The following UNK variants were observed in gnomAD, a reference collection of about 807,000 sequenced individuals.
The protein encoded by UNK is unk zinc finger.
In UNK, 32 loss-of-function variants were observed where a neutral mutation model predicts 97.6. That is an observed-to-expected ratio of 0.33 (90% confidence interval 0.25 to 0.44). UNK has a LOEUF of 0.44. Among genes scored for constraint, UNK ranks in the 20% least tolerant of loss-of-function variants. The pLI is 1.00. For synonymous variants in UNK, 441 were observed against 461.2 expected, an observed-to-expected ratio of 0.96 and a Z score of 0.56; for missense variants, 771 against 1,098.4, an observed-to-expected ratio of 0.70 and a Z score of 4.21.
At chr17:75,808,065 C>T (rs956877023) in intron 1 of UNK, among the ~76,000 whole-genome samples, 1 of 152,160 alleles carries the variant, frequency 6.6e-6, no homozygotes, top group Admixed American at 6.5e-5. Context: ...GCCCAGCTTC[C>T]CTCTTTCAGG....
chr17:75,790,525 A>G (rs1462060866), intron 1 of UNK, among the ~76,000 whole-genome samples: 2 of 151,878 alleles, frequency 1.3e-5, no homozygotes, highest in African/African-American at 4.8e-5. Flanking sequence ...CTGGATACTC[A>G]GGAGGCCGAG....
In UNK at chr17:75,809,976, G is replaced by T; in HGVS notation, c.314+7G>T. On this transcript the variant is annotated splice_region_variant and intron_variant, in intron 2 of 15. Transcript: ENST00000589666. ...TCTGCCCGGAGGGCGACGAGTGAGT[G>T]ACCCAGCCTGTCCTCAGAGGAGCCC... The T allele has an allele frequency of 6.2e-7, 1 of 1,613,246 alleles. No individual in the cohort carries two copies. The highest frequency in any genetic ancestry group is 1.1e-5 in the South Asian group (1 of 91,074).
rs1268375790 is a variant in UNK, at chr17:75,824,810, T to TAA, written c.*394_*395dup. 2 of 152,360 alleles carry TAA rather than the reference T, an allele frequency of 1.3e-5. No individual in the cohort carries two copies. The highest frequency in any genetic ancestry group is 4.8e-5 in the African/African-American group (2 of 41,452). 9.4% of individuals were successfully genotyped at this position (152,360 alleles called of 1,614,324 possible). ...TCTGTCTCTTTTTTAATGTAGGAACTAACTATTTTTAACTTCTTCCTGGGG... is the reference window on the plus strand; with the variant it reads ...TCTGTCTCTTTTTTAATGTAGGAACTAAAACTATTTTTAACTTCTTCCTGGGG... On this transcript the variant is annotated 3_prime_UTR_variant, in exon 16 of 16. Transcript: ENST00000589666. The surrounding 1 kb of genome is among the most constrained non-coding windows in gnomAD (Gnocchi z 4.9).
rs117992567 is a variant in UNK at position 75,799,867 on chromosome 17, C to A, written c.105-9893C>A. On this transcript the variant is annotated intron_variant, in intron 1 of 15. Coordinates refer to ENST00000589666, the MANE Select transcript of UNK (RefSeq NM_001080419.3). ...GTTTAGCGCAGAGGTCACCTGTAAT[C>A]CCAGCACTTAGGGAGCAGAGGCCAG... 9.5e-4 allele frequency among the ~76,000 whole-genome samples: 144 copies of A among 152,222 alleles called. 5 individuals are homozygous for A. The East Asian group carries it at 0.025, about 27-fold the overall frequency.
At chr17:75,797,700 A>G (rs1305503882) in intron 1 of UNK, among the ~76,000 whole-genome samples, 2 of 152,212 alleles carry the variant, frequency 1.3e-5, no homozygotes, top group Non-Finnish European at 2.9e-5. Context: ...GGAGAGCAGC[A>G]GGAGCTGCAG....
rs2062033019 is a variant in UNK at position 75,818,081 on chromosome 17, C to T, written c.1306-22C>T. Reference sequence around the variant, plus strand: ...GACCCCCCAGCACCACATTCATCCACTCCCTGAATTTTCTCTCTCAGGCCA... The same window carrying T: ...GACCCCCCAGCACCACATTCATCCATTCCCTGAATTTTCTCTCTCAGGCCA... On this transcript the variant is annotated intron_variant, in intron 9 of 15. Coordinates refer to ENST00000589666, the MANE Select transcript of UNK (RefSeq NM_001080419.3). The surrounding 1 kb of genome is among the most constrained non-coding windows in gnomAD (Gnocchi z 5.1). The T allele has an allele frequency of 6.2e-7, 1 of 1,612,476 alleles. No homozygotes were observed. Among genetic ancestry groups the T allele is most frequent in the Non-Finnish European group, 8.5e-7 (1 of 1,179,346 alleles).
Position 75,813,711 on chromosome 17 carries a change from C to T in UNK, c.759-50C>T, listed in dbSNP as rs369403780. On this transcript the variant is annotated intron_variant, in intron 5 of 15. Coordinates refer to ENST00000589666, the MANE Select transcript of UNK (RefSeq NM_001080419.3). Reference sequence around the variant, plus strand: ...GGTCCAGGTGGCACCTGCTAGGCTCCGATCTCACCTTCTCCTTTCTCCATC... The same window carrying T: ...GGTCCAGGTGGCACCTGCTAGGCTCTGATCTCACCTTCTCCTTTCTCCATC... 11 of 1,499,634 alleles carry T rather than the reference C, an allele frequency of 7.3e-6. No homozygotes were observed. The African/African-American group carries it at 8.3e-5, about 11-fold the overall frequency. The allele number at this position is 1,499,634 out of a possible 1,614,324, so 92.9% of individuals were successfully genotyped here.
intron 1 of UNK, among the ~76,000 whole-genome samples, chr17:75,804,890 C>A (rs2061896478): frequency 6.7e-6 from 1 of 150,246 alleles, no homozygotes; most frequent in Non-Finnish European, 1.5e-5. Flanking sequence ...AGATGGATAT[C>A]CTGAATAAAA....
intron 1 of UNK, chr17:75,792,769 C>T (rs553048449): frequency 6.6e-6 from 1 of 152,554 alleles, no homozygotes; most frequent in East Asian, 1.9e-4. Flanking sequence ...GGTGAATACA[C>T]TAAAAACCAC....
chr17:75,821,441 G>T, intron 13 of UNK: 1 of 450,142 alleles, frequency 2.2e-6, no homozygotes, highest in Middle Eastern at 3.3e-4. Context: ...CTCCAAGGGA[G>T]GAGGAGAGAT....
intron 1 of UNK, among the ~76,000 whole-genome samples, chr17:75,800,101 G>A (rs961154003): frequency 2.0e-5 from 3 of 152,174 alleles, no homozygotes; most frequent in African/African-American, 4.8e-5. Flanking sequence ...ACAGGTCTCA[G>A]TCTATCCTCC....
chr17:75,823,296 A>C lies in UNK; in HGVS notation c.2051A>C (p.Glu684Ala), dbSNP rs1402118861. The C allele has an allele frequency of 6.2e-7, 1 of 1,607,022 alleles. No individual in the cohort carries two copies. The highest frequency in any genetic ancestry group is 8.5e-7 in the Non-Finnish European group (1 of 1,175,674). ...GATGCCTGGAAGAAAGAGGCGGAGG[A>C]GGCTGGTGAGCGGGCCAGTGCGGCG... is the stretch of plus-strand genomic sequence containing the variant. ...ACDAWKKEAE[E>A]AGERASAAGA... The change falls in exon 15 of 16, where the codon GAG becomes GCG. Residue 684 changes from glutamate to alanine, a missense_variant. Glu to Ala is a moderately radical substitution (Grantham distance 107). Around this residue, in one of 5 missense-constraint regions of UNK, gnomAD observed 208 missense variants for 257.4 expected, o/e 0.81. Coordinates refer to ENST00000589666, the MANE Select transcript of UNK (RefSeq NM_001080419.3).
rs568819586 is a variant in UNK at position 75,811,549 on chromosome 17, G to A, written c.315-563G>A. On this transcript the variant is annotated intron_variant, in intron 2 of 15. Transcript: ENST00000589666. Reference sequence around the variant, plus strand: ...CAAGCCTGGGCAGCATTTGTTCTCCGATGTCTGTCCTGCCCTGGAATGCCA... The same window carrying A: ...CAAGCCTGGGCAGCATTTGTTCTCCAATGTCTGTCCTGCCCTGGAATGCCA... 6.6e-5 allele frequency among the ~76,000 whole-genome samples: 10 copies of A among 152,330 alleles called. No individual in the cohort carries two copies. The South Asian group carries it at 1.7e-3, about 25-fold the overall frequency.
intron 1 of UNK, among the ~76,000 whole-genome samples, chr17:75,804,180 G>T (rs961054187): frequency 1.3e-5 from 2 of 152,216 alleles, no homozygotes; most frequent in Admixed American, 1.3e-4. Context: ...CTGGGTGGGC[G>T]TGGTGGCTTA....
intron 1 of UNK, among the ~76,000 whole-genome samples, chr17:75,800,994 C>T (rs1229915899): frequency 6.6e-6 from 1 of 151,664 alleles, no homozygotes; most frequent in African/African-American, 2.4e-5. Flanking sequence ...AGCTCTGTCT[C>T]CCGGGTTCAT....
intron 1 of UNK, among the ~76,000 whole-genome samples, chr17:75,792,938 G>GA (rs1437445239): frequency 2.0e-5 from 3 of 152,242 alleles, no homozygotes; most frequent in Non-Finnish European, 4.4e-5. Context: ...TTCAGTGTGG[G>GA]AAAGCCTGTG....
chr17:75,805,472 A>G (rs1272237925), intron 1 of UNK, among the ~76,000 whole-genome samples: 1 of 151,994 alleles, frequency 6.6e-6, no homozygotes, highest in African/African-American at 2.4e-5. Context: ...TGTATGTGAA[A>G]AGACATTTTC....
intron 1 of UNK, among the ~76,000 whole-genome samples, chr17:75,787,648 AC>A (rs2061725130): frequency 1.3e-5 from 2 of 151,252 alleles, no homozygotes; most frequent in Admixed American, 1.3e-4. Context: ...CAACATGGAA[AC>A]CCCGTCTCTA....
chr17:75,808,791 G>T (rs1186854483), intron 1 of UNK, among the ~76,000 whole-genome samples: 1 of 152,014 alleles, frequency 6.6e-6, no homozygotes, highest in Non-Finnish European at 1.5e-5. Context: ...GTCCTTCTGG[G>T]GCCAGGGGCA....
Sources: allele counts gnomAD v4.1 joint callset (sites outside exome capture counted in the v4.1 genomes callset), GRCh38; gene constraint gnomAD v4.1.1; regional missense constraint gnomAD v4.1.1; non-coding constraint Gnocchi (gnomAD v3.1); transcripts MANE v1.5; gene names NCBI Gene and HGNC (gene_info 2026-07-23, HGNC 2026-07-21).